The following B4GALNT3 variants were observed in gnomAD, a reference collection of about 807,000 sequenced individuals.
B4GALNT3 encodes beta-1,4-N-acetylgalactosaminyltransferase 3.
Under a neutral mutation model 120.2 loss-of-function variants are expected in B4GALNT3, and 86 were observed. That is an observed-to-expected ratio of 0.72 (90% confidence interval 0.60 to 0.86). B4GALNT3 has a LOEUF of 0.86. Ranked by LOEUF, B4GALNT3 falls within the 40% of genes least tolerant of loss-of-function variation. The pLI, the probability that B4GALNT3 is intolerant of heterozygous loss-of-function variation, is 0.00. For synonymous variants in B4GALNT3, 518 were observed against 510.4 expected (o/e 1.01, Z -0.20); for missense variants, 1,167 against 1,298.9 (o/e 0.90, Z 1.56).
chr12:534,987 C>G (rs114022470), intron 1 of B4GALNT3, among the ~76,000 whole-genome samples, 179 bp from the exon 2 acceptor site: 3,606 of 152,352 alleles, frequency 0.024, 144 homozygotes, highest in African/African-American at 0.081. Context: ...TCTCTCTGCC[C>G]TGTGGGCCTT....
chr12:553,529 C>A lies in B4GALNT3; in HGVS notation c.1606C>A (p.His536Asn), dbSNP rs151321644. The A allele has an allele frequency of 6.2e-7, 1 of 1,614,006 alleles. No individual in the cohort carries two copies. The highest frequency in any genetic ancestry group is 8.5e-7 in the Non-Finnish European group (1 of 1,179,956). Residue 536 changes from histidine to asparagine, a missense_variant, in exon 14 of 20, where the codon CAC (histidine) becomes AAC (asparagine). His to Asn is a moderately conservative substitution (Grantham distance 68). This residue lies in a region of B4GALNT3 where 983 missense variants were observed against 1,102.5 expected (regional missense o/e 0.89). Coordinates refer to ENST00000266383, the MANE Select transcript of B4GALNT3 (RefSeq NM_173593.4). ...SPHSDKWPPG[H>N]PVKNLPQMRG... ...TCATTCCGACAAGTGGCCTCCTGGG[C>A]ACCCTGTGAAGAACCTGCCTCAGAT...
At chr12:476,089 A>G (rs1370273967) in intron 1 of B4GALNT3, among the ~76,000 whole-genome samples, 1 of 152,158 alleles carries the variant, frequency 6.6e-6, no homozygotes, top group Non-Finnish European at 1.5e-5. Context: ...AAGTCAGACT[A>G]CGTGACTTTG....
chr12:514,488 C>T (rs1592035353), intron 1 of B4GALNT3, among the ~76,000 whole-genome samples: 1 of 152,020 alleles, frequency 6.6e-6, no homozygotes, highest in South Asian at 2.1e-4. Context: ...TGAGCCACCA[C>T]GCCCAGCCTA....
rs1188442451 is a variant in B4GALNT3 at position 488,613 on chromosome 12, C to T, written c.169+28068C>T. Among the ~76,000 whole-genome samples, 6 of 151,942 alleles carry T rather than the reference C, an allele frequency of 3.9e-5. No individual in the cohort carries two copies. In the East Asian group the frequency reaches 1.2e-3, roughly 29 times the overall value. On this transcript the variant is annotated intron_variant, in intron 1 of 19. Transcript: ENST00000266383. ...TGTTGTGTGAAAGTGGATGTCCCAG[C>T]CTGGGCAACATAGCAAGACCCCATC... is the stretch of plus-strand genomic sequence containing the variant.
intron 1 of B4GALNT3, among the ~76,000 whole-genome samples, chr12:482,421 CTG>C (rs1946250686): frequency 6.6e-6 from 1 of 152,230 alleles, no homozygotes; most frequent in Non-Finnish European, 1.5e-5. Context: ...GATGAGGAAA[CTG>C]AGGCTGAAAG....
At position 536,313 on chromosome 12, in the gene B4GALNT3, G is replaced by A. The variant is rs1326207250; in HGVS notation, c.351+18G>A. ...TCTCAGAGGTGAGGGACTTTCTATTGTACCTGCCCTTTGAGAGAGCTAAAA... is the reference window on the plus strand; with the variant it reads ...TCTCAGAGGTGAGGGACTTTCTATTATACCTGCCCTTTGAGAGAGCTAAAA... On this transcript the variant is annotated intron_variant, in intron 3 of 19. Transcript: ENST00000266383. The A allele has an allele frequency of 6.3e-7, 1 of 1,589,664 alleles. No individual in the cohort carries two copies. The highest frequency in any genetic ancestry group is 1.3e-5 in the African/African-American group (1 of 74,292).
chr12:479,830 CA>C (rs1188090612), intron 1 of B4GALNT3, among the ~76,000 whole-genome samples: 1 of 150,746 alleles, frequency 6.6e-6, no homozygotes, highest in Non-Finnish European at 1.5e-5. Flanking sequence ...CATGTAAGTG[CA>C]GTGGATCCTG....
chr12:481,010 T>A (rs776804091), intron 1 of B4GALNT3, among the ~76,000 whole-genome samples: 7 of 152,134 alleles, frequency 4.6e-5, no homozygotes, highest in Non-Finnish European at 1.0e-4. Flanking sequence ...GTGGGAGGGA[T>A]TTCTGCCCAG....
rs190350046 is a variant in B4GALNT3 at position 506,857 on chromosome 12, C to T, written c.170-28309C>T. Among the ~76,000 whole-genome samples the T allele has an allele frequency of 9.1e-3, 1,385 of 152,256 alleles. 26 individuals are homozygous for T. The highest frequency in any genetic ancestry group is 0.031 in the African/African-American group (1,300 of 41,562). On this transcript the variant is annotated intron_variant, in intron 1 of 19. Coordinates refer to ENST00000266383, the MANE Select transcript of B4GALNT3 (RefSeq NM_173593.4). ...TTCACCGTGTTAGCCAGGATGGTCT[C>T]GATCTCCTGACCTCGTGATCCGCCC...
At chr12:546,214 G>GA (rs1193380325) in intron 6 of B4GALNT3, among the ~76,000 whole-genome samples, 5 of 44,692 alleles carry the variant, frequency 1.1e-4, no homozygotes, top group Admixed American at 2.7e-4. Context: ...GAGGAGGGAG[G>GA]GGGGTGTGGG....
chr12:560,575 C>T lies in B4GALNT3; in HGVS notation c.2889-768C>T, dbSNP rs187396778. Among the ~76,000 whole-genome samples, 1,133 of 152,134 alleles carry T rather than the reference C, an allele frequency of 7.4e-3. 6 individuals are homozygous for T. Among genetic ancestry groups the T allele is most frequent in the Middle Eastern group, 0.014 (4 of 294 alleles). ...AGGAAGGTGACACACTAAGAGAATT[C>T]GAGTGAAAAGGGGGAAGGTAAAGGA... On this transcript the variant is annotated intron_variant, in intron 19 of 19. Transcript: ENST00000266383.
chr12:553,392 T>C lies in B4GALNT3; in HGVS notation c.1469T>C (p.Phe490Ser). Residue 490 changes from phenylalanine (F) to serine (S), a missense_variant, in exon 14 of 20, where the codon TTC (phenylalanine) becomes TCC (serine). Phe to Ser is a radical substitution (Grantham distance 155). Around this residue, in one of 3 missense-constraint regions of B4GALNT3, gnomAD observed 983 missense variants for 1,102.5 expected, o/e 0.89. Transcript: ENST00000266383. ...CCCCGGGAGGGCCTGCTGGCCCCCT[T>C]CTCCAAGCGGAACTCCACAGCGTCC... ...AQPREGLLAPFSKRNSTASFP... is the reference protein window; with the variant it reads ...AQPREGLLAPSSKRNSTASFP... The C allele has an allele frequency of 6.2e-7, 1 of 1,613,798 alleles. No individual in the cohort carries two copies. Among genetic ancestry groups the C allele is most frequent in the Non-Finnish European group, 8.5e-7 (1 of 1,180,034 alleles).
Position 544,898 on chromosome 12 carries a change from G to T in B4GALNT3, c.464G>T (p.Arg155Met). 4.3e-6 allele frequency: 7 copies of T among 1,613,946 alleles called. No individual in the cohort carries two copies. Among genetic ancestry groups the T allele is most frequent in the Non-Finnish European group, 5.9e-6 (7 of 1,179,948 alleles). Residue 155 changes from arginine to methionine, a missense_variant, in exon 5 of 20, where the codon AGG becomes ATG. Coordinates refer to ENST00000266383, the MANE Select transcript of B4GALNT3 (RefSeq NM_173593.4). Reference protein sequence around the residue: ...PLYPHIRTTLRKLAVSPKWTN... With the variant: ...PLYPHIRTTLMKLAVSPKWTN... ...TTGGCATAGATTCGCACAACCCTGA[G>T]GAAGCTTGCTGTGTCCCCCAAATGG...
rs1320426069 is a variant in B4GALNT3 at position 550,730 on chromosome 12, T to G, written c.998-192T>G. Among the ~76,000 whole-genome samples the G allele has an allele frequency of 6.6e-6, 1 of 152,204 alleles. No individual in the cohort carries two copies. ...TGGGGCTGTGTGCTGAGTCCTCTGC[T>G]GCCAGGGTGCTCCTCAAATGGCCCT... On this transcript the variant is annotated intron_variant, in intron 10 of 19. Transcript: ENST00000266383. This position sits in a 1 kb window ranked among gnomAD's most constrained non-coding sequence, Gnocchi z 4.1.
rs758728981 is a variant in B4GALNT3 at position 553,559 on chromosome 12, GGGCCCA to G, written c.1648_1653del (p.Arg550_Pro551del). On this transcript the variant is annotated inframe_deletion, in exon 14 of 20. Transcript: ENST00000266383. ...TGTGAAGAACCTGCCTCAGATGAGG[GGGCCCA>G]GGCCCAGGCCCGCTGGTGACAGCCC... The G allele has an allele frequency of 5.0e-6, 8 of 1,613,960 alleles. No individual in the cohort carries two copies. The East Asian group carries it at 1.6e-4, about 31-fold the overall frequency.
rs764535507 is a variant in B4GALNT3 at position 553,752 on chromosome 12, A to G, written c.1829A>G (p.Glu610Gly). ...EGQVEGEEEGEEEEEEEDMSE... is the reference protein window; with the variant it reads ...EGQVEGEEEGGEEEEEEDMSE... ...CAAGTGGAGGGAGAGGAAGAGGGGG[A>G]AGAAGAGGAGGAGGAAGAGGATATG... is the stretch of plus-strand genomic sequence containing the variant. Residue 610 changes from glutamate to glycine, a missense_variant, in exon 14 of 20, where the codon GAA becomes GGA. By Grantham distance (98) the Glu-to-Gly change is moderately conservative. Transcript: ENST00000266383. The G allele has an allele frequency of 6.2e-6, 10 of 1,613,884 alleles. No homozygotes were observed. Among genetic ancestry groups the G allele is most frequent in the Non-Finnish European group, 8.5e-6 (10 of 1,179,994 alleles).
chr12:534,879 G>A (rs1418505168), intron 1 of B4GALNT3, among the ~76,000 whole-genome samples: 1 of 152,226 alleles, frequency 6.6e-6, no homozygotes, highest in Non-Finnish European at 1.5e-5. Flanking sequence ...GGGAGAACGA[G>A]CTGGTAGTGG....
chr12:544,892 C>A lies in B4GALNT3; in HGVS notation c.458C>A (p.Thr153Asn). The stretch of plus-strand genomic sequence containing the variant: ...CCTTTCTTGGCATAGATTCGCACAA[C>A]CCTGAGGAAGCTTGCTGTGTCCCCC... ...HFPLYPHIRT[T>N]LRKLAVSPKW... Residue 153 changes from threonine to asparagine, a missense_variant, in exon 5 of 20, where the codon ACC becomes AAC. This residue lies in a region of B4GALNT3 where 983 missense variants were observed against 1,102.5 expected (regional missense o/e 0.89). Coordinates refer to ENST00000266383, the MANE Select transcript of B4GALNT3 (RefSeq NM_173593.4). The A allele has an allele frequency of 6.2e-7, 1 of 1,613,938 alleles. No individual in the cohort carries two copies. Among genetic ancestry groups the A allele is most frequent in the Non-Finnish European group, 8.5e-7 (1 of 1,179,920 alleles).
chr12:470,985 TC>T (rs1220478195), intron 1 of B4GALNT3, among the ~76,000 whole-genome samples: 2 of 151,922 alleles, frequency 1.3e-5, no homozygotes, highest in African/African-American at 4.8e-5. Flanking sequence ...CGCCTCAGCC[TC>T]CCAAAGTGCT....
Sources: allele counts gnomAD v4.1 joint callset (sites outside exome capture counted in the v4.1 genomes callset), GRCh38; gene constraint gnomAD v4.1.1; regional missense constraint gnomAD v4.1.1; non-coding constraint Gnocchi (gnomAD v3.1); transcripts MANE v1.5; gene names NCBI Gene and HGNC (gene_info 2026-07-23, HGNC 2026-07-21).